The following SNX14 variants were observed in gnomAD, a reference collection of about 807,000 sequenced individuals.
SNX14 encodes the protein sorting nexin-14.
A neutral mutation model predicts 133.8 loss-of-function variants in SNX14; 93 were observed. That is an observed-to-expected ratio of 0.70 (90% CI 0.59 to 0.83). The LOEUF (loss-of-function observed/expected upper bound fraction) is 0.83. Ranked by LOEUF, SNX14 falls within the 40% of genes least tolerant of loss-of-function variation. SNX14 has a pLI of 0.00. For synonymous variants in SNX14, 368 were observed against 365.6 expected, an observed-to-expected ratio of 1.01 and a Z score of -0.07; for missense variants, 945 against 1,094.9, an observed-to-expected ratio of 0.86 and a Z score of 1.93.
intron 8 of SNX14, among the ~76,000 whole-genome samples, chr6:85,549,107 A>T (rs1786858826): frequency 6.6e-6 from 1 of 152,064 alleles, no homozygotes; most frequent in Admixed American, 6.5e-5. Flanking sequence ...CTAGTATAAA[A>T]ATCATGTAAT....
intron 1 of SNX14, among the ~76,000 whole-genome samples, chr6:85,587,741 C>T (rs1801417137): frequency 3.3e-5 from 5 of 152,068 alleles, no homozygotes; most frequent in East Asian, 1.9e-4. Flanking sequence ...GAATTACAGG[C>T]GTGAGCCACC....
In SNX14 at chr6:85,575,189, G is replaced by A. The variant is rs58529330; in HGVS notation, c.141-811C>T. On this transcript the variant is annotated intron_variant, in intron 1 of 28. Transcript: ENST00000314673. ...TATAGTGTGATATAATGGGCAATGT[G>A]TGTCTTAATACAGGTAGTCCTCACA... Among the ~76,000 whole-genome samples, 7 of 152,254 alleles carry A rather than the reference G, an allele frequency of 4.6e-5. No homozygotes were observed. In the East Asian group the frequency reaches 1.4e-3, roughly 29 times the overall value.
At chr6:85,590,294 C>A (rs1046776563) in intron 1 of SNX14, among the ~76,000 whole-genome samples, 1 of 152,144 alleles carries the variant, frequency 6.6e-6, no homozygotes, top group Non-Finnish European at 1.5e-5. Context: ...CACCTTCCTG[C>A]CTTAAATCCT....
At chr6:85,529,594 CA>C (rs1389813702) in intron 19 of SNX14, among the ~76,000 whole-genome samples, 2 of 152,174 alleles carry the variant, frequency 1.3e-5, no homozygotes, top group East Asian at 3.9e-4. Context: ...CATTTGAACA[CA>C]AGTACAAACT....
chr6:85,505,889 T>C lies in SNX14; in HGVS notation c.*78A>G. The C allele has an allele frequency of 1.1e-6, 1 of 946,612 alleles. No individual in the cohort carries two copies. Among genetic ancestry groups the C allele is most frequent in the Admixed American group, 1.9e-5 (1 of 53,912 alleles). 58.6% of individuals were successfully genotyped at this position (946,612 alleles called of 1,614,324 possible). Reference sequence around the variant, plus strand: ...GCGATGTACATAATATATATAAGAATATACCCAAAAAAGTAAATTTCTACC... The same window carrying C: ...GCGATGTACATAATATATATAAGAACATACCCAAAAAAGTAAATTTCTACC... On this transcript the variant is annotated 3_prime_UTR_variant, in exon 29 of 29. Coordinates refer to ENST00000314673, the MANE Select transcript of SNX14 (RefSeq NM_153816.6).
At chr6:85,509,860 C>T (rs967319610) in intron 26 of SNX14, among the ~76,000 whole-genome samples, 2 of 152,080 alleles carry the variant, frequency 1.3e-5, no homozygotes, top group Non-Finnish European at 2.9e-5. Flanking sequence ...CTTAGTTTTG[C>T]CTTTTCCAAA....
At chr6:85,530,905 CA>C (rs1157692875) in intron 18 of SNX14, among the ~76,000 whole-genome samples, 2 of 149,984 alleles carry the variant, frequency 1.3e-5, no homozygotes, top group African/African-American at 2.5e-5. Flanking sequence ...TGATGTATTT[CA>C]TAAGTTTTTT....
Position 85,513,179 on chromosome 6 carries a change from G to C in SNX14, c.2653+621C>G, listed in dbSNP as rs545165410. On this transcript the variant is annotated intron_variant, in intron 26 of 28. Transcript: ENST00000314673. ...TAAGAATCACCTGCTTTGATCCCTT[G>C]ACATTTCTTCCTTGTTATTTCCCGT... Among the ~76,000 whole-genome samples the C allele has an allele frequency of 2.0e-5, 3 of 152,184 alleles. No homozygotes were observed. The South Asian group carries it at 6.2e-4, about 32-fold the overall frequency.
intron 1 of SNX14, among the ~76,000 whole-genome samples, chr6:85,584,822 A>G (rs1321805233): frequency 1.3e-5 from 2 of 152,236 alleles, no homozygotes; most frequent in Non-Finnish European, 2.9e-5. Flanking sequence ...TAGTTCCACC[A>G]TTGTGGAAGA....
intron 7 of SNX14, among the ~76,000 whole-genome samples, chr6:85,557,536 T>C (rs898552147): frequency 6.6e-6 from 1 of 152,166 alleles, no homozygotes; most frequent in African/African-American, 2.4e-5. Context: ...TCTGACTAGA[T>C]AGAAAAGGAT....
chr6:85,555,950 TG>T, intron 7 of SNX14, among the ~76,000 whole-genome samples: 1 of 152,044 alleles, frequency 6.6e-6, no homozygotes, highest in African/African-American at 2.4e-5. Flanking sequence ...ATTGTGCCAT[TG>T]GTCTCCAGAC....
intron 6 of SNX14, 29 bp from the exon 7 acceptor site, chr6:85,558,089 AAAT>A (rs745338659): frequency 4.4e-6 from 5 of 1,146,074 alleles, no homozygotes; most frequent in Non-Finnish European, 6.5e-6. Context: ...AAAACTTTTA[AAAT>A]AATTATCACT....
chr6:85,528,663 A>T (rs1779213327), intron 19 of SNX14, among the ~76,000 whole-genome samples: 1 of 152,152 alleles, frequency 6.6e-6, no homozygotes. Flanking sequence ...ATTTTTTTGA[A>T]ATTGGTGAGA....
chr6:85,531,875 A>T (rs572226949), intron 18 of SNX14, among the ~76,000 whole-genome samples: 8 of 152,230 alleles, frequency 5.3e-5, no homozygotes, highest in Non-Finnish European at 1.2e-4. Flanking sequence ...AAAAAATTTT[A>T]AAATTAGCTG....
chr6:85,561,908 C>T (rs1015895338), intron 6 of SNX14, among the ~76,000 whole-genome samples: 1 of 151,150 alleles, frequency 6.6e-6, no homozygotes, highest in Non-Finnish European at 1.5e-5. Flanking sequence ...GAGTAAACTG[C>T]ATGTCATGGG....
chr6:85,552,193 C>CT (rs1311016456), intron 7 of SNX14, among the ~76,000 whole-genome samples: 1 of 150,770 alleles, frequency 6.6e-6, no homozygotes, highest in African/African-American at 2.4e-5. Context: ...CCCGCCACTA[C>CT]ACCCGGCTAA....
intron 6 of SNX14, among the ~76,000 whole-genome samples, chr6:85,563,480 C>A (rs766168555): frequency 2.6e-5 from 4 of 152,204 alleles, no homozygotes; most frequent in African/African-American, 9.6e-5. Flanking sequence ...CAACCTCCAC[C>A]TCCCAGGTTA....
intron 17 of SNX14, among the ~76,000 whole-genome samples, chr6:85,535,150 C>A (rs776663954): frequency 2.0e-5 from 3 of 150,964 alleles, no homozygotes; most frequent in Non-Finnish European, 4.4e-5. Context: ...CAAGTAGCTA[C>A]GACTACAGTT....
intron 18 of SNX14, 64 bp from the exon 19 acceptor site, chr6:85,530,339 T>C: frequency 9.3e-7 from 1 of 1,079,546 alleles, no homozygotes; most frequent in Non-Finnish European, 1.3e-6. Context: ...AATGCCATAT[T>C]TAAAACATTA....
Sources: allele counts gnomAD v4.1 joint callset (sites outside exome capture counted in the v4.1 genomes callset), GRCh38; gene constraint gnomAD v4.1.1; transcripts MANE v1.5; gene names NCBI Gene and HGNC (gene_info 2026-07-23, HGNC 2026-07-21).